Variants in FAM135B observed in about 807,000 individuals in gnomAD.
The protein encoded by FAM135B is family with sequence similarity 135 member B.
In FAM135B, 43 loss-of-function variants were observed where a neutral mutation model predicts 127.7. That is an observed-to-expected ratio of 0.34 (90% CI 0.26 to 0.43). FAM135B has a LOEUF of 0.43. Among genes scored for constraint, FAM135B ranks in the 20% least tolerant of loss-of-function variants. The pLI, the probability that FAM135B is intolerant of heterozygous loss-of-function variation, is 1.00. For synonymous variants in FAM135B, 670 were observed against 665.1 expected (o/e 1.01, Z -0.11); for missense variants, 1,558 against 1,725.6 (o/e 0.90, Z 1.72).
chr8:138,478,188 T>C (rs1428941701), intron 1 of FAM135B, among the ~76,000 whole-genome samples: 1 of 152,120 alleles, frequency 6.6e-6, no homozygotes, highest in African/African-American at 2.4e-5. Flanking sequence ...AGGGTCTGTG[T>C]ACCTTATCAG....
intron 7 of FAM135B, among the ~76,000 whole-genome samples, chr8:138,223,981 T>C (rs1323380723): frequency 2.6e-5 from 4 of 151,250 alleles, no homozygotes; most frequent in African/African-American, 9.7e-5. Context: ...AGCTAAACAT[T>C]GGGTACACAT....
intron 1 of FAM135B, among the ~76,000 whole-genome samples, chr8:138,487,495 C>G (rs1385252050): frequency 6.6e-6 from 1 of 152,052 alleles, no homozygotes; most frequent in Non-Finnish European, 1.5e-5. Context: ...GCTGTACTTA[C>G]ATCTGATGCT....
intron 2 of FAM135B, among the ~76,000 whole-genome samples, chr8:138,349,893 A>G (rs903022923): frequency 2.0e-5 from 3 of 152,222 alleles, no homozygotes; most frequent in African/African-American, 7.2e-5. Flanking sequence ...CCCTCAGACA[A>G]ATTATGGGAT....
At chr8:138,298,461 C>A (rs1272940841) in intron 3 of FAM135B, among the ~76,000 whole-genome samples, 1 of 152,100 alleles carries the variant, frequency 6.6e-6, no homozygotes, top group Non-Finnish European at 1.5e-5. Context: ...GAGAAATCAC[C>A]AAGTGCCAGA....
At chr8:138,297,429 A>G (rs1825556459) in intron 3 of FAM135B, among the ~76,000 whole-genome samples, 2 of 152,366 alleles carry the variant, frequency 1.3e-5, no homozygotes, top group Admixed American at 6.5e-5. Context: ...TTGAACCCAG[A>G]CACTAGAAGT....
intron 3 of FAM135B, among the ~76,000 whole-genome samples, chr8:138,295,333 C>T (rs1825408433): frequency 6.6e-6 from 1 of 151,894 alleles, no homozygotes; most frequent in Non-Finnish European, 1.5e-5. Flanking sequence ...CTCTTTTGTG[C>T]TACAACTTTG....
intron 1 of FAM135B, among the ~76,000 whole-genome samples, chr8:138,368,882 A>G (rs1317563881): frequency 6.6e-6 from 1 of 152,206 alleles, no homozygotes; most frequent in Non-Finnish European, 1.5e-5. Context: ...AAAGAAGCTT[A>G]GTTGTATTGG....
chr8:138,178,105 G>A (rs764920116), intron 10 of FAM135B, among the ~76,000 whole-genome samples: 11 of 151,906 alleles, frequency 7.2e-5, no homozygotes, highest in Admixed American at 1.3e-4. Context: ...AAAATTAGTC[G>A]GGTGTGGTGG....
In FAM135B at chr8:138,412,414, G is replaced by C. The variant is rs145704080; in HGVS notation, c.-19-44412C>G. On this transcript the variant is annotated intron_variant, in intron 1 of 19. Transcript: ENST00000395297. ...TTGTTTCAAGCTGCTAACCTTGGGG[G>C]GTAATTTGTTACACAGCAGAGAAGA... Among the ~76,000 whole-genome samples the C allele has an allele frequency of 2.4e-3, 361 of 152,208 alleles. 1 individual carries two copies. Among genetic ancestry groups the C allele is most frequent in the African/African-American group, 7.8e-3 (322 of 41,524 alleles).
chr8:138,272,750 A>ATTTC (rs1823479101), intron 3 of FAM135B, among the ~76,000 whole-genome samples: 1 of 152,154 alleles, frequency 6.6e-6, no homozygotes, highest in African/African-American at 2.4e-5. Context: ...AACCCACTGG[A>ATTTC]TTTCCTTCGA....
chr8:138,271,803 T>G (rs1823397444), intron 3 of FAM135B, among the ~76,000 whole-genome samples: 1 of 152,222 alleles, frequency 6.6e-6, no homozygotes, highest in Non-Finnish European at 1.5e-5. Context: ...CAAAATGGTT[T>G]TGTTAATTGC....
intron 1 of FAM135B, among the ~76,000 whole-genome samples, chr8:138,476,259 T>C (rs957953223): frequency 6.6e-6 from 1 of 152,206 alleles, no homozygotes; most frequent in Non-Finnish European, 1.5e-5. Flanking sequence ...GCAGTGAAAC[T>C]ATCCTGCATG....
At position 138,310,876 on chromosome 8, in the gene FAM135B, G is replaced by C; in HGVS notation, c.122C>G (p.Pro41Arg). The change falls in exon 3 of 20, where the codon CCC becomes CGC. Residue 41 changes from proline (P) to arginine (R), a missense_variant. Physicochemically the swap from Pro to Arg is moderately radical, Grantham distance 103. Coordinates refer to ENST00000395297, the MANE Select transcript of FAM135B (RefSeq NM_015912.4). ...RVTLKVSSRI[P>R]HRLSASIAGQ... ...AGCGATGGAGGCACTCAGTCTGTGG[G>C]GGATCCTTGAAGACACCTTCAAGGT... The C allele has an allele frequency of 1.9e-6, 3 of 1,613,880 alleles. No homozygotes were observed. The highest frequency in any genetic ancestry group is 2.5e-6 in the Non-Finnish European group (3 of 1,179,948).
chr8:138,159,381 G>T (rs12677853), intron 12 of FAM135B, among the ~76,000 whole-genome samples: 101,525 of 147,406 alleles, frequency 0.69, 35,047 homozygotes, highest in East Asian at 0.76. Flanking sequence ...TAGACTGGAT[G>T]AAGAAAATGT....
chr8:138,239,753 T>C (rs1288710600), intron 7 of FAM135B, among the ~76,000 whole-genome samples: 2 of 152,150 alleles, frequency 1.3e-5, no homozygotes, highest in African/African-American at 4.8e-5. Flanking sequence ...CCAACCCAAA[T>C]GTCCATCAAT....
intron 2 of FAM135B, among the ~76,000 whole-genome samples, chr8:138,365,372 A>T (rs943818771): frequency 6.6e-6 from 1 of 152,170 alleles, no homozygotes; most frequent in Non-Finnish European, 1.5e-5. Context: ...ACAAGGGTCT[A>T]TTGGATGTGT....
At chr8:138,279,523 G>A (rs181815086) in intron 3 of FAM135B, among the ~76,000 whole-genome samples, 159 of 152,298 alleles carry the variant, frequency 1.0e-3, no homozygotes, top group Middle Eastern at 6.8e-3. Flanking sequence ...AGCTGCACAG[G>A]CTCTGACTCA....
rs546028797 is a variant in FAM135B at position 138,316,426 on chromosome 8, G to C, written c.78-5506C>G. On this transcript the variant is annotated intron_variant, in intron 2 of 19. Coordinates refer to ENST00000395297, the MANE Select transcript of FAM135B (RefSeq NM_015912.4). ...GGAGAATGGCGTGAACCCGGAAGGC[G>C]GAGCTTGCAGTGAGCGGAGATCGCG... 1.9e-3 allele frequency among the ~76,000 whole-genome samples: 293 copies of C among 151,680 alleles called. 6 individuals are homozygous for C. Among genetic ancestry groups the C allele is most frequent in the African/African-American group, 6.9e-3 (282 of 41,122 alleles).
At chr8:138,183,263 A>C (rs991692623) in intron 9 of FAM135B, among the ~76,000 whole-genome samples, 1 of 152,196 alleles carries the variant, frequency 6.6e-6, no homozygotes, top group African/African-American at 2.4e-5. Context: ...TAATATTATC[A>C]GTCTTAATTT....
Sources: allele counts gnomAD v4.1 joint callset (sites outside exome capture counted in the v4.1 genomes callset), GRCh38; gene constraint gnomAD v4.1.1; transcripts MANE v1.5; gene names NCBI Gene and HGNC (gene_info 2026-07-23, HGNC 2026-07-21).